The following NRBF2 variants were observed in gnomAD, a reference collection of about 807,000 sequenced individuals.
NRBF2 encodes nuclear receptor binding factor 2.
NRBF2 carries 12 observed loss-of-function variants against 28.5 expected under a neutral mutation model. The ratio of observed to expected loss-of-function variants is 0.42; its 90% CI spans 0.27 to 0.68. The LOEUF (loss-of-function observed/expected upper bound fraction) is 0.68. Ranked by LOEUF, NRBF2 falls within the 30% of genes least tolerant of loss-of-function variation. The pLI, the probability that NRBF2 is intolerant of heterozygous loss-of-function variation, is 0.24. For missense variants in NRBF2, 274 were observed against 333.5 expected (o/e 0.82, Z 1.39); for synonymous variants, 102 against 116.5 (o/e 0.88, Z 0.80).
At chr10:63,142,526 A>C (rs1026782816) in intron 1 of NRBF2, among the ~76,000 whole-genome samples, 6 of 151,808 alleles carry the variant, frequency 4.0e-5, no homozygotes, top group African/African-American at 1.4e-4. Flanking sequence ...CTAGAGCCTT[A>C]TTGCTTATTG....
intron 1 of NRBF2, among the ~76,000 whole-genome samples, chr10:63,141,433 C>T (rs1398296946): frequency 1.3e-5 from 2 of 152,172 alleles, no homozygotes; most frequent in Non-Finnish European, 2.9e-5. Context: ...AAAACCCTGT[C>T]TCAAAAGTAA....
In NRBF2 at chr10:63,154,907, A is replaced by ATGCATCAT. The variant is rs1168589072; in HGVS notation, c.*691_*698dup. On this transcript the variant is annotated 3_prime_UTR_variant, in exon 4 of 4. Transcript: ENST00000277746. ...AAGTTCTAACTTCGTTTATTGTATAATGCATCATTTGAAAATACCAAGGAG... is the reference window on the plus strand; with the variant it reads ...AAGTTCTAACTTCGTTTATTGTATAATGCATCATTGCATCATTTGAAAATACCAAGGAG... 6.6e-6 allele frequency: 1 copy of ATGCATCAT among 152,640 alleles called. No homozygotes were observed. Among genetic ancestry groups the ATGCATCAT allele is most frequent in the Non-Finnish European group, 1.5e-5 (1 of 68,032 alleles). 9.5% of individuals were successfully genotyped at this position (152,640 alleles called of 1,614,324 possible).
chr10:63,151,755 T>C (rs1841653129), intron 2 of NRBF2, among the ~76,000 whole-genome samples: 1 of 152,190 alleles, frequency 6.6e-6, no homozygotes, highest in South Asian at 2.1e-4. Flanking sequence ...GAGTCCAAAA[T>C]GATAGATTCC....
chr10:63,153,015 C>T (rs114479456), intron 3 of NRBF2, among the ~76,000 whole-genome samples: 1 of 152,084 alleles, frequency 6.6e-6, no homozygotes, highest in Non-Finnish European at 1.5e-5. Flanking sequence ...TATAAAATAT[C>T]TTTTTAAAAA....
At chr10:63,141,793 G>A (rs892801942) in intron 1 of NRBF2, among the ~76,000 whole-genome samples, 4 of 152,194 alleles carry the variant, frequency 2.6e-5, no homozygotes, top group Admixed American at 6.5e-5. Context: ...TAACGAGTTT[G>A]CTGTGTGTCT....
intron 1 of NRBF2, among the ~76,000 whole-genome samples, chr10:63,133,810 C>T (rs1019014101): frequency 6.6e-6 from 1 of 152,218 alleles, no homozygotes; most frequent in African/African-American, 2.4e-5. Context: ...CTTAGCGCCA[C>T]GTAGCCACCT....
chr10:63,133,396 G>A lies in NRBF2; in HGVS notation c.-75G>A, dbSNP rs1043093566. 1 of 1,581,730 alleles carries A rather than the reference G, an allele frequency of 6.3e-7. No homozygotes were observed. Among genetic ancestry groups the A allele is most frequent in the African/African-American group, 1.4e-5 (1 of 73,882 alleles). ...GCCGCAGTCTCCGCGGCTGCGTCGA[G>A]CTCCCTTGCAGTCCCCTCCATGTTC... is the stretch of plus-strand genomic sequence containing the variant. On this transcript the variant is annotated 5_prime_UTR_variant, in exon 1 of 4. Transcript: ENST00000277746.
intron 2 of NRBF2, among the ~76,000 whole-genome samples, chr10:63,151,089 A>G (rs1352448624): frequency 6.6e-6 from 1 of 152,212 alleles, no homozygotes; most frequent in Non-Finnish European, 1.5e-5. Context: ...GACCCCTGAT[A>G]TAATTGTATC....
intron 1 of NRBF2, among the ~76,000 whole-genome samples, chr10:63,141,567 G>T (rs1019995837): frequency 3.3e-5 from 5 of 152,208 alleles, no homozygotes; most frequent in Admixed American, 6.5e-5. Context: ...GCTATATCGA[G>T]TATGTACCAG....
In NRBF2 at chr10:63,153,605, T is replaced by C. The variant is rs753558023; in HGVS notation, c.251T>C (p.Leu84Ser). ...RWKRAQREER[L>S]KAQQNTDKDA... Reference sequence around the variant, plus strand: ...AAAAGGGCCCAGCGTGAAGAAAGATTGAAAGCCCAGCAGAACACAGACAAG... The same window carrying C: ...AAAAGGGCCCAGCGTGAAGAAAGATCGAAAGCCCAGCAGAACACAGACAAG... The change falls in exon 4 of 4, where the codon TTG (leucine) becomes TCG (serine). Residue 84 changes from leucine to serine, a missense_variant. Transcript: ENST00000277746. 6.2e-7 allele frequency: 1 copy of C among 1,611,840 alleles called. No individual in the cohort carries two copies. The highest frequency in any genetic ancestry group is 1.1e-5 in the South Asian group (1 of 90,976).
chr10:63,150,943 C>T (rs1841639026), intron 2 of NRBF2, among the ~76,000 whole-genome samples: 1 of 152,152 alleles, frequency 6.6e-6, no homozygotes, highest in African/African-American at 2.4e-5. Context: ...AGGCAGAACT[C>T]AGGCGGTAAT....
At position 63,153,966 on chromosome 10, in the gene NRBF2, C is replaced by T. The variant is rs1252148231; in HGVS notation, c.612C>T (p.Ala204=). The T allele has an allele frequency of 1.2e-6, 2 of 1,611,764 alleles. No individual in the cohort carries two copies. The highest frequency in any genetic ancestry group is 2.7e-5 in the African/African-American group (2 of 74,820). Residue 204 remains alanine (A), a synonymous_variant, in exon 4 of 4, where the codon GCC becomes GCT. Transcript: ENST00000277746. Reference sequence around the variant, plus strand: ...ATAAACAACTAAAGGCTGAAAAGGCCAGACTTCTAAAAGGTCCAATAGAAA... The same window carrying T: ...ATAAACAACTAAAGGCTGAAAAGGCTAGACTTCTAAAAGGTCCAATAGAAA... The part of the protein sequence containing the change: ...KENKQLKAEK[A]RLLKGPIEKE...
chr10:63,136,036 G>A (rs1841372328), intron 1 of NRBF2, among the ~76,000 whole-genome samples: 1 of 152,086 alleles, frequency 6.6e-6, no homozygotes, highest in Non-Finnish European at 1.5e-5. Flanking sequence ...AGACGTTGAC[G>A]GTTACTTGAA....
At position 63,133,367 on chromosome 10, in the gene NRBF2, A is replaced by AG. The variant is rs1280068705; in HGVS notation, c.-100dup. Reference sequence around the variant, plus strand: ...TATCGCTGGCTCTTGGGGCGCAGAGAGGGGCCGCAGTCTCCGCGGCTGCGT... The same window carrying AG: ...TATCGCTGGCTCTTGGGGCGCAGAGAGGGGGCCGCAGTCTCCGCGGCTGCGT... On this transcript the variant is annotated 5_prime_UTR_variant, in exon 1 of 4. Coordinates refer to ENST00000277746, the MANE Select transcript of NRBF2 (RefSeq NM_030759.5). The AG allele has an allele frequency of 5.9e-6, 8 of 1,344,942 alleles. No individual in the cohort carries two copies. The highest frequency in any genetic ancestry group is 8.4e-6 in the Non-Finnish European group (8 of 957,256). The allele number at this position is 1,344,942 out of a possible 1,614,324, so 83.3% of individuals were successfully genotyped here.
At chr10:63,138,676 A>G (rs867539559) in intron 1 of NRBF2, among the ~76,000 whole-genome samples, 18 of 148,716 alleles carry the variant, frequency 1.2e-4, no homozygotes, top group East Asian at 4.2e-4. Context: ...CCCGGGAGGC[A>G]GAGCTTGCAG....
intron 1 of NRBF2, among the ~76,000 whole-genome samples, chr10:63,133,975 C>T: frequency 6.8e-6 from 1 of 148,056 alleles, no homozygotes. Context: ...CCTCCTCACC[C>T]TTCACTTCCC....
chr10:63,146,349 GTAA>G (rs2132689029), intron 2 of NRBF2, 56 bp downstream of exon 2: 1 of 1,182,304 alleles, frequency 8.5e-7, no homozygotes, highest in South Asian at 1.3e-5. Context: ...AGTCACAATA[GTAA>G]TAATGTGTGT....
rs1841699949 is a variant in NRBF2, at chr10:63,154,451, A to C, written c.*233A>C. Reference sequence around the variant, plus strand: ...TTCCGACTTGGCAGACGCTAAACTCATGGAGGTTCGGTTTCTCCTGATACA... The same window carrying C: ...TTCCGACTTGGCAGACGCTAAACTCCTGGAGGTTCGGTTTCTCCTGATACA... On this transcript the variant is annotated 3_prime_UTR_variant, in exon 4 of 4. Transcript: ENST00000277746. 1 of 375,492 alleles carries C rather than the reference A, an allele frequency of 2.7e-6. No homozygotes were observed. Among genetic ancestry groups the C allele is most frequent in the Non-Finnish European group, 4.8e-6 (1 of 209,722 alleles). The allele number at this position is 375,492 out of a possible 1,614,324, so 23.3% of individuals were successfully genotyped here. A position where few individuals can be genotyped will look rare whatever the true frequency, so the allele number is the denominator to read the frequency against.
At chr10:63,137,100 A>G (rs1029690993) in intron 1 of NRBF2, among the ~76,000 whole-genome samples, 1 of 152,168 alleles carries the variant, frequency 6.6e-6, no homozygotes, top group Non-Finnish European at 1.5e-5. Context: ...CCTCCACAAT[A>G]GCTGGGACTA....
Sources: allele counts gnomAD v4.1 joint callset (sites outside exome capture counted in the v4.1 genomes callset), GRCh38; gene constraint gnomAD v4.1.1; transcripts MANE v1.5; gene names NCBI Gene and HGNC (gene_info 2026-07-23, HGNC 2026-07-21).